Variants in NAV3 observed in about 807,000 individuals in gnomAD.
NAV3 encodes pore membrane and/or filament interacting like protein 1.
Under a neutral mutation model 244.7 loss-of-function variants are expected in NAV3, and 87 were observed. The ratio of observed to expected loss-of-function variants is 0.36; its 90% CI spans 0.30 to 0.42. The LOEUF is 0.42. Ranked by LOEUF, NAV3 falls within the 20% of genes least tolerant of loss-of-function variation. NAV3 has a pLI of 1.00. For synonymous variants in NAV3, 1,126 were observed against 1,042.2 expected, an observed-to-expected ratio of 1.08 and a Z score of -1.55; for missense variants, 2,663 against 2,893.3, an observed-to-expected ratio of 0.92 and a Z score of 1.83.
At chr12:78,059,326 G>A (rs1883980883) in intron 12 of NAV3, among the ~76,000 whole-genome samples, 2 of 151,796 alleles carry the variant, frequency 1.3e-5, no homozygotes, top group South Asian at 4.2e-4. Context: ...GTCTTGCTCT[G>A]TCACCAGGCT....
intron 9 of NAV3, among the ~76,000 whole-genome samples, chr12:78,023,226 T>C (rs1566028430): frequency 6.6e-6 from 1 of 152,196 alleles, no homozygotes; most frequent in Non-Finnish European, 1.5e-5. Context: ...TTTTGTGAAT[T>C]TCACAAAGGA....
intron 24 of NAV3, among the ~76,000 whole-genome samples, chr12:78,173,110 T>C (rs1289882730): frequency 6.6e-6 from 1 of 151,502 alleles, no homozygotes; most frequent in Non-Finnish European, 1.5e-5. Flanking sequence ...TTAATTCAGA[T>C]TGCTGATATT....
At chr12:77,576,232 A>G (rs1869074472) in intron 2 of NAV3, among the ~76,000 whole-genome samples, 1 of 152,140 alleles carries the variant, frequency 6.6e-6, no homozygotes, top group Non-Finnish European at 1.5e-5. Context: ...ATTAATTGAT[A>G]GGAATAATAC....
intron 2 of NAV3, among the ~76,000 whole-genome samples, chr12:77,575,466 G>A (rs889747850): frequency 8.5e-5 from 13 of 152,066 alleles, no homozygotes; most frequent in Middle Eastern, 3.4e-3. Flanking sequence ...GAAAATTATC[G>A]TGGCATCTCA....
chr12:77,961,380 A>C (rs573147369), intron 3 of NAV3, among the ~76,000 whole-genome samples: 1 of 59,718 alleles, frequency 1.7e-5, no homozygotes, highest in South Asian at 8.5e-4. Flanking sequence ...AAATATATTA[A>C]TATAAATACA....
chr12:77,867,480 C>T (rs775007636), intron 1 of NAV3, among the ~76,000 whole-genome samples: 25 of 152,172 alleles, frequency 1.6e-4, no homozygotes, highest in African/African-American at 3.4e-4. Context: ...AGTGCAGTGG[C>T]GCGATCTCAG....
chr12:77,803,432 C>T (rs921228203), intron 2 of NAV3, among the ~76,000 whole-genome samples: 2 of 152,178 alleles, frequency 1.3e-5, no homozygotes, highest in African/African-American at 4.8e-5. Flanking sequence ...CCAGCTTCAT[C>T]CATGTCCCTG....
intron 2 of NAV3, among the ~76,000 whole-genome samples, chr12:77,784,220 A>T (rs1369778861): frequency 6.6e-6 from 1 of 152,132 alleles, no homozygotes; most frequent in Non-Finnish European, 1.5e-5. Context: ...CCCAACACAG[A>T]CACTCTCTTT....
upstream of NAV3, among the ~76,000 whole-genome samples, chr12:77,827,527 A>G (rs534034415): frequency 3.1e-4 from 47 of 152,288 alleles, no homozygotes; most frequent in Admixed American, 5.9e-4. Context: ...GGTCATTGCC[A>G]CTTTTCCTGT....
intron 12 of NAV3, among the ~76,000 whole-genome samples, chr12:78,085,240 C>T (rs1270062005): frequency 6.6e-6 from 1 of 152,130 alleles, no homozygotes; most frequent in Non-Finnish European, 1.5e-5. Flanking sequence ...CATGGCACAG[C>T]TGTGAATTAC....
rs530285111 is a variant in NAV3 at position 78,175,217 on chromosome 12, G to A, written c.4982-89G>A. 9 of 1,431,960 alleles carry A rather than the reference G, an allele frequency of 6.3e-6. No individual in the cohort carries two copies. The South Asian group carries it at 8.7e-5, about 14-fold the overall frequency. The allele number at this position is 1,431,960 out of a possible 1,614,324, so 88.7% of individuals were successfully genotyped here. A position where few individuals can be genotyped will look rare whatever the true frequency, so the allele number is the denominator to read the frequency against. ...TACAAAGCCTTGTTGACCTTTATTA[G>A]AGAACTGCCTCTCAAAAGACCTAAA... On this transcript the variant is annotated intron_variant, in intron 24 of 39. Coordinates refer to ENST00000397909, the MANE Select transcript of NAV3 (RefSeq NM_001024383.2).
chr12:78,205,756 CTA>C (rs1435419504), intron 39 of NAV3, among the ~76,000 whole-genome samples: 1 of 151,876 alleles, frequency 6.6e-6, no homozygotes, highest in African/African-American at 2.4e-5. Flanking sequence ...TTTTATATAT[CTA>C]TTTTTATTTT....
intron 12 of NAV3, among the ~76,000 whole-genome samples, chr12:78,092,785 C>A (rs1954030072): frequency 6.6e-6 from 1 of 152,032 alleles, no homozygotes; most frequent in African/African-American, 2.4e-5. Flanking sequence ...CAGGCGTGAG[C>A]CACCGCGCCC....
chr12:77,738,846 T>C (rs1868274182), intron 2 of NAV3, among the ~76,000 whole-genome samples: 1 of 151,410 alleles, frequency 6.6e-6, no homozygotes. Context: ...CCGTCTCTAC[T>C]AAAAAATACA....
chr12:77,597,522 T>G (rs1327712983), intron 2 of NAV3, among the ~76,000 whole-genome samples: 1 of 152,082 alleles, frequency 6.6e-6, no homozygotes, highest in Non-Finnish European at 1.5e-5. Context: ...GCATATTAAG[T>G]ATGTAGGTGT....
intron 34 of NAV3, among the ~76,000 whole-genome samples, chr12:78,191,684 C>A (rs922715807): frequency 6.6e-6 from 1 of 152,102 alleles, no homozygotes; most frequent in Non-Finnish European, 1.5e-5. Context: ...GTAGGAAGAG[C>A]ACAATTGTCT....
intron 12 of NAV3, among the ~76,000 whole-genome samples, chr12:78,113,312 C>T (rs895172728): frequency 6.6e-6 from 1 of 152,220 alleles, no homozygotes; most frequent in Non-Finnish European, 1.5e-5. Flanking sequence ...CCAGTGGGGA[C>T]TCTGTGTGGG....
chr12:77,619,929 T>G (rs1871300593), intron 2 of NAV3, among the ~76,000 whole-genome samples: 1 of 152,174 alleles, frequency 6.6e-6, no homozygotes, highest in South Asian at 2.1e-4. Context: ...TTCAAATGTT[T>G]AAATGTTCTA....
chr12:77,761,654 C>A (rs11106595), intron 2 of NAV3, among the ~76,000 whole-genome samples: 1 of 151,996 alleles, frequency 6.6e-6, no homozygotes, highest in South Asian at 2.1e-4. Flanking sequence ...GACATTTATG[C>A]GGCCAAGAAA....
Sources: allele counts gnomAD v4.1 joint callset (sites outside exome capture counted in the v4.1 genomes callset), GRCh38; gene constraint gnomAD v4.1.1; transcripts MANE v1.5; gene names NCBI Gene and HGNC (gene_info 2026-07-23, HGNC 2026-07-21).